Variants in C1orf87 observed in about 807,000 individuals in gnomAD.
C1orf87 encodes the protein chromosome 1 open reading frame 87.
In C1orf87, 58 loss-of-function variants were observed where a neutral mutation model predicts 60.5. The observed-to-expected ratio is 0.96, with a 90% CI of 0.78 to 1.19. The LOEUF (loss-of-function observed/expected upper bound fraction) is 1.19, where lower values mean the gene tolerates loss of function less well. Ranked by LOEUF, C1orf87 falls within the 50% of genes most tolerant of loss-of-function variation. C1orf87 has a pLI of 0.00. For synonymous variants in C1orf87, 236 were observed against 227.4 expected (o/e 1.04, Z -0.34); for missense variants, 673 against 638.6 (o/e 1.05, Z -0.58).
chr1:59,990,750 C>T lies in C1orf87; in HGVS notation c.1564G>A (p.Asp522Asn), dbSNP rs779995131. The part of the protein sequence containing the change: ...YNLSLSPQKI[D>N]QALRRFRSGE... ...GAACGGAATCTGCGCAAGGCCTGGT[C>T]GATTTTCTGAGGGCTCAGGGACAGG... Residue 522 changes from aspartate to asparagine, a missense_variant, in exon 12 of 12, where the codon GAC (aspartate) becomes AAC (asparagine). Coordinates refer to ENST00000371201, the MANE Select transcript of C1orf87 (RefSeq NM_152377.3). 16 of 1,613,832 alleles carry T rather than the reference C, an allele frequency of 9.9e-6. No individual in the cohort carries two copies. The highest frequency in any genetic ancestry group is 6.7e-5 in the East Asian group (3 of 44,890).
intron 2 of C1orf87, among the ~76,000 whole-genome samples, chr1:60,064,420 T>C (rs975291579): frequency 1.1e-4 from 16 of 140,356 alleles, no homozygotes; most frequent in African/African-American, 4.2e-4. Context: ...TTTGGTTTCA[T>C]GGTGCACATA....
At chr1:60,033,057 A>C (rs1645250407) in intron 7 of C1orf87, among the ~76,000 whole-genome samples, 1 of 152,156 alleles carries the variant, frequency 6.6e-6, no homozygotes, top group Non-Finnish European at 1.5e-5. Flanking sequence ...ATGCTCCAAA[A>C]CAGCATGGTA....
intron 3 of C1orf87, among the ~76,000 whole-genome samples, chr1:60,052,477 A>G (rs1432718475): frequency 6.6e-6 from 1 of 152,170 alleles, no homozygotes; most frequent in African/African-American, 2.4e-5. Flanking sequence ...TTCCTTTGTG[A>G]AAGGAAGGTT....
Position 60,010,425 on chromosome 1 carries a change from C to T in C1orf87, c.1159G>A (p.Ala387Thr), listed in dbSNP as rs767784032. ...WQNFVEMLTR[A>T]SSDLLSDLPT... ...AAATCAGATAACAAATCAGAAGAAG[C>T]TCTGGTCAGCATCTCAACAAAATTC... Residue 387 changes from alanine (A) to threonine (T), a missense_variant, in exon 9 of 12, where the codon GCT (alanine) becomes ACT (threonine). Physicochemically the swap from Ala to Thr is moderately conservative, Grantham distance 58. Coordinates refer to ENST00000371201, the MANE Select transcript of C1orf87 (RefSeq NM_152377.3). 6.8e-6 allele frequency: 11 copies of T among 1,612,488 alleles called. 1 individual carries two copies. The South Asian group carries it at 1.1e-4, about 16-fold the overall frequency.
At chr1:59,994,944 T>C (rs1249134489) in intron 11 of C1orf87, among the ~76,000 whole-genome samples, 1 of 152,218 alleles carries the variant, frequency 6.6e-6, no homozygotes, top group East Asian at 1.9e-4. Flanking sequence ...GTTAATCCTC[T>C]TTCCTCATTA....
At chr1:60,062,919 AT>A (rs1645506987) in intron 2 of C1orf87, among the ~76,000 whole-genome samples, 1 of 152,090 alleles carries the variant, frequency 6.6e-6, no homozygotes. Flanking sequence ...CTGTATTCTT[AT>A]TTGCAGACTT....
At chr1:60,064,904 T>C (rs1170199948) in intron 2 of C1orf87, among the ~76,000 whole-genome samples, 1 of 89,000 alleles carries the variant, frequency 1.1e-5, no homozygotes, top group African/African-American at 4.5e-5. Flanking sequence ...ATATTCTAAA[T>C]ATATAATATT....
Position 60,072,613 on chromosome 1 carries a change from A to T in C1orf87, c.31T>A (p.Ser11Thr). MSSAWKTPRGSDAMPEIMVKI... is the reference protein window; with the variant it reads MSSAWKTPRGTDAMPEIMVKI... ...ACCATGATCTCAGGCATTGCATCTG[A>T]TCCACGGGGAGTCTTCCAGGCTGAA... Residue 11 changes from serine (S) to threonine (T), a missense_variant, in exon 2 of 12, where the codon TCA (serine) becomes ACA (threonine). Ser to Thr is a moderately conservative substitution (Grantham distance 58, BLOSUM62 1). Coordinates refer to ENST00000371201, the MANE Select transcript of C1orf87 (RefSeq NM_152377.3). The T allele has an allele frequency of 6.2e-7, 1 of 1,612,940 alleles. No individual in the cohort carries two copies. Among genetic ancestry groups the T allele is most frequent in the Non-Finnish European group, 8.5e-7 (1 of 1,179,858 alleles).
chr1:60,031,315 T>A (rs1645236492), intron 7 of C1orf87, among the ~76,000 whole-genome samples: 1 of 152,240 alleles, frequency 6.6e-6, no homozygotes, highest in Non-Finnish European at 1.5e-5. Context: ...TATTATGCTC[T>A]GAGTGAGTTC....
chr1:60,064,782 A>T (rs1314089026), intron 2 of C1orf87, among the ~76,000 whole-genome samples: 22 of 93,344 alleles, frequency 2.4e-4, no homozygotes, highest in South Asian at 1.4e-3. Context: ...TTAATATATA[A>T]ATATATATTA....
At chr1:60,056,469 C>T (rs192604436) in intron 2 of C1orf87, among the ~76,000 whole-genome samples, 6 of 152,134 alleles carry the variant, frequency 3.9e-5, no homozygotes, top group Admixed American at 3.9e-4. Context: ...GATGCATTGA[C>T]TATTTCATTC....
At chr1:60,062,205 C>G (rs2100327433) in intron 2 of C1orf87, among the ~76,000 whole-genome samples, 1 of 152,256 alleles carries the variant, frequency 6.6e-6, no homozygotes, top group East Asian at 1.9e-4. Flanking sequence ...GATTCCTGCA[C>G]CATAACTTGC....
rs1226792966 is a variant in C1orf87 at position 60,051,483 on chromosome 1, G to A, written c.342+3721C>T. On this transcript the variant is annotated intron_variant, in intron 3 of 11. Coordinates refer to ENST00000371201, the MANE Select transcript of C1orf87 (RefSeq NM_152377.3). ...GAGAAGGACATGCCTTGAAGAGCTC[G>A]CTGGATTCAGAACAAGAAAACACAG... Among the ~76,000 whole-genome samples, 5 of 152,236 alleles carry A rather than the reference G, an allele frequency of 3.3e-5. No homozygotes were observed. In the South Asian group the frequency reaches 8.3e-4, roughly 25 times the overall value.
intron 8 of C1orf87, among the ~76,000 whole-genome samples, chr1:60,014,795 G>A (rs1356919872): frequency 1.3e-5 from 2 of 152,102 alleles, no homozygotes; most frequent in African/African-American, 4.8e-5. Context: ...CTTGGCTTTT[G>A]TCTCAGCACA....
chr1:59,993,146 G>C (rs914508623), intron 11 of C1orf87, among the ~76,000 whole-genome samples: 1 of 152,150 alleles, frequency 6.6e-6, no homozygotes, highest in African/African-American at 2.4e-5. Flanking sequence ...ATTTGAGCCT[G>C]GGAGGTCGAG....
At chr1:60,001,961 C>G (rs531948716) in intron 9 of C1orf87, among the ~76,000 whole-genome samples, 9 of 152,110 alleles carry the variant, frequency 5.9e-5, no homozygotes, top group Admixed American at 1.3e-4. Flanking sequence ...TGGAAATCCT[C>G]TGAGCCTTAT....
intron 6 of C1orf87, among the ~76,000 whole-genome samples, chr1:60,036,006 C>A (rs1374363567): frequency 6.6e-6 from 1 of 152,168 alleles, no homozygotes. Flanking sequence ...TTGTTTTCTA[C>A]CGCATGGTCT....
intron 8 of C1orf87, among the ~76,000 whole-genome samples, chr1:60,020,661 T>G (rs1375129781): frequency 6.6e-6 from 1 of 152,234 alleles, no homozygotes; most frequent in Non-Finnish European, 1.5e-5. Context: ...ACTCCCACTG[T>G]ATCTTGGAAG....
In C1orf87 at chr1:60,001,168, T is replaced by TAAAA; in HGVS notation, c.1193-16_1193-13dup. On this transcript the variant is annotated splice_polypyrimidine_tract_variant and intron_variant, in intron 9 of 11. Transcript: ENST00000371201. Reference sequence around the variant, plus strand: ...CTTTTCATTCTTCCCTGAACAAGAATAAAAAAAAAAAAAGGAAGGGTTTAG... The same window carrying TAAAA: ...CTTTTCATTCTTCCCTGAACAAGAATAAAAAAAAAAAAAAAAAGGAAGGGTTTAG... 1.6e-6 allele frequency: 2 copies of TAAAA among 1,290,040 alleles called. No homozygotes were observed. The highest frequency in any genetic ancestry group is 2.1e-6 in the Non-Finnish European group (2 of 963,144). 79.9% of individuals were successfully genotyped at this position (1,290,040 alleles called of 1,614,324 possible).
Sources: gnomAD v4.1 joint callset for allele counts (sites outside exome capture counted in the v4.1 genomes callset) on GRCh38, gnomAD v4.1.1 for gene constraint, MANE v1.5 for transcripts, NCBI Gene and HGNC (gene_info 2026-07-23, HGNC 2026-07-21) for gene names.